LRRC37A2: variants seen among roughly 807,000 people sequenced by gnomAD.
The protein encoded by LRRC37A2 is leucine-rich repeat-containing protein 37A2.
LRRC37A2 carries 9 observed loss-of-function variants against 68.8 expected under a neutral mutation model. The observed-to-expected ratio is 0.13, with a 90% CI of 0.08 to 0.23. The LOEUF (loss-of-function observed/expected upper bound fraction) is 0.23, where lower values mean the gene tolerates loss of function less well. Among genes scored for constraint, LRRC37A2 ranks in the 10% least tolerant of loss-of-function variants. The pLI is 1.00. For missense variants in LRRC37A2, 168 were observed against 950.4 expected (o/e 0.18, Z 10.82); for synonymous variants, 63 against 367.6 (o/e 0.17, Z 9.48).
At chr17:46,919,984 G>A in the LRRC37A2 span, among the ~76,000 whole-genome samples, 1 of 151,922 alleles carries the variant, frequency 6.6e-6, no homozygotes, top group Admixed American at 6.6e-5. Flanking sequence ...AAATTCCTAT[G>A]ATCTCGTTCT....
chr17:46,836,139 G>A, the LRRC37A2 span, among the ~76,000 whole-genome samples: 1 of 73,522 alleles, frequency 1.4e-5, no homozygotes, highest in African/African-American at 7.5e-5. Flanking sequence ...TGTGTGTCTC[G>A]GTTGTGGTGG....
At chr17:46,602,690 C>A in the LRRC37A2 span, among the ~76,000 whole-genome samples, 2 of 141,034 alleles carry the variant, frequency 1.4e-5, no homozygotes, top group African/African-American at 5.5e-5. Context: ...ATGAAACTAC[C>A]AATTATCACT....
At chr17:46,740,758 T>C in the LRRC37A2 span, among the ~76,000 whole-genome samples, 1 of 150,884 alleles carries the variant, frequency 6.6e-6, no homozygotes, top group Non-Finnish European at 1.5e-5. Context: ...GCCTCCTGGG[T>C]TCAAGTGATT....
At chr17:46,810,711 G>A in the LRRC37A2 span, among the ~76,000 whole-genome samples, 4 of 152,010 alleles carry the variant, frequency 2.6e-5, no homozygotes, top group Non-Finnish European at 4.4e-5. Flanking sequence ...ACCAGGCACA[G>A]ATGGTCCAAA....
chr17:47,018,991 A>T, the LRRC37A2 span: 1 of 1,511,580 alleles, frequency 6.6e-7, no homozygotes, highest in South Asian at 1.1e-5. Flanking sequence ...CAAGCTCAGC[A>T]TCCAGTGTCA....
At chr17:46,855,519 C>A in the LRRC37A2 span, among the ~76,000 whole-genome samples, 5 of 152,092 alleles carry the variant, frequency 3.3e-5, no homozygotes, top group African/African-American at 1.2e-4. Flanking sequence ...GCTAAGGTTC[C>A]CTAATGCTAA....
chr17:46,864,918 C>T, the LRRC37A2 span, among the ~76,000 whole-genome samples: 7 of 152,132 alleles, frequency 4.6e-5, no homozygotes, highest in Non-Finnish European at 2.9e-5. Context: ...ACTTCTGGGC[C>T]GGGTGACCTT....
At chr17:46,769,315 CAAAAA>C in the LRRC37A2 span, among the ~76,000 whole-genome samples, 1 of 102,854 alleles carries the variant, frequency 9.7e-6, no homozygotes. Flanking sequence ...GACTCCGTCT[CAAAAA>C]AAAAAAAAAA....
chr17:46,902,163 G>C, the LRRC37A2 span, among the ~76,000 whole-genome samples: 7 of 152,182 alleles, frequency 4.6e-5, no homozygotes, highest in East Asian at 1.2e-3. Context: ...CCAATGAGGT[G>C]AGCAGCCTCC....
the LRRC37A2 span, among the ~76,000 whole-genome samples, chr17:46,497,099 G>A: frequency 7.6e-6 from 1 of 131,576 alleles, no homozygotes; most frequent in Non-Finnish European, 1.6e-5. Flanking sequence ...TTGCCATGTT[G>A]CCCAGGCTGG....
At chr17:46,812,487 C>A in the LRRC37A2 span, among the ~76,000 whole-genome samples, 1 of 152,190 alleles carries the variant, frequency 6.6e-6, no homozygotes, top group East Asian at 1.9e-4. Context: ...TGCCACTCCC[C>A]CTGGGAAGCC....
the LRRC37A2 span, among the ~76,000 whole-genome samples, chr17:46,873,132 A>G: frequency 6.8e-6 from 1 of 146,014 alleles, no homozygotes; most frequent in Non-Finnish European, 1.5e-5. Flanking sequence ...ACACACACAC[A>G]CGAAACAAGG....
At chr17:46,944,168 C>T in the LRRC37A2 span, among the ~76,000 whole-genome samples, 48 of 152,298 alleles carry the variant, frequency 3.2e-4, 1 homozygote, top group Non-Finnish European at 5.0e-4. Context: ...ATCTTTATTC[C>T]GTCTTCCAGA....
the LRRC37A2 span, chr17:46,722,231 G>A: frequency 7.0e-6 from 9 of 1,291,078 alleles, no homozygotes; most frequent in South Asian, 1.2e-5. Context: ...GCGAGAGCAC[G>A]TCAAAATCCC....
chr17:47,018,571 A>G, the LRRC37A2 span: 1 of 1,520,398 alleles, frequency 6.6e-7, no homozygotes, highest in Non-Finnish European at 9.1e-7. Flanking sequence ...GGGGGCCCAC[A>G]TCTGCTTCCA....
chr17:46,921,957 A>G, the LRRC37A2 span, among the ~76,000 whole-genome samples: 3 of 152,250 alleles, frequency 2.0e-5, no homozygotes, highest in Non-Finnish European at 2.9e-5. Flanking sequence ...TAGAAATACC[A>G]TTTGACCCAG....
chr17:46,838,200 C>A, the LRRC37A2 span, among the ~76,000 whole-genome samples: 2 of 152,010 alleles, frequency 1.3e-5, no homozygotes, highest in Non-Finnish European at 2.9e-5. Context: ...AAAATTCAGG[C>A]TCTTGCCATC....
chr17:46,741,168 C>T, the LRRC37A2 span, among the ~76,000 whole-genome samples: 1 of 152,106 alleles, frequency 6.6e-6, no homozygotes, highest in African/African-American at 2.4e-5. Flanking sequence ...GAGCCTCAGA[C>T]AGATCACTTT....
the LRRC37A2 span, chr17:46,930,119 G>C: frequency 6.5e-6 from 1 of 154,324 alleles, no homozygotes; most frequent in African/African-American, 2.4e-5. Flanking sequence ...CACCTGCGGG[G>C]GCTGCCTACC....
Sources: allele counts gnomAD v4.1 joint callset (sites outside exome capture counted in the v4.1 genomes callset), GRCh38; gene constraint gnomAD v4.1.1; transcripts MANE v1.5; gene names NCBI Gene and HGNC (gene_info 2026-07-23, HGNC 2026-07-21).